SLC24A3: variants seen among roughly 807,000 people sequenced by gnomAD.
The protein encoded by SLC24A3 is sodium/potassium/calcium exchanger 3.
A neutral mutation model predicts 75.8 loss-of-function variants in SLC24A3; 28 were observed. The ratio of observed to expected loss-of-function variants is 0.37; its 90% CI spans 0.27 to 0.51. The LOEUF is 0.51. SLC24A3 is among the 20% of genes least tolerant of loss of function. The pLI, the probability that SLC24A3 is intolerant of heterozygous loss-of-function variation, is 0.94. For missense variants in SLC24A3, 663 were observed against 847.8 expected, an observed-to-expected ratio of 0.78 and a Z score of 2.71; for synonymous variants, 372 against 334.1, an observed-to-expected ratio of 1.11 and a Z score of -1.24.
intron 2 of SLC24A3, among the ~76,000 whole-genome samples, chr20:19,289,439 C>CA (rs776626920): frequency 1.5e-4 from 23 of 152,216 alleles, no homozygotes; most frequent in Non-Finnish European, 3.4e-4. Flanking sequence ...CACCTGTACT[C>CA]ATGGCTTGCT....
chr20:19,603,363 C>T (rs1047142494), intron 6 of SLC24A3, among the ~76,000 whole-genome samples: 11 of 152,126 alleles, frequency 7.2e-5, no homozygotes, highest in African/African-American at 2.7e-4. Context: ...ACTTTGTGTA[C>T]CCTAATTTCT....
intron 2 of SLC24A3, among the ~76,000 whole-genome samples, chr20:19,409,598 A>G (rs1313115980): frequency 6.6e-6 from 1 of 152,172 alleles, no homozygotes; most frequent in East Asian, 1.9e-4. Flanking sequence ...TATGATTGTA[A>G]CAAGCAAGGA....
intron 15 of SLC24A3, among the ~76,000 whole-genome samples, chr20:19,703,861 C>T (rs1389916168): frequency 6.6e-6 from 1 of 152,204 alleles, no homozygotes; most frequent in Admixed American, 6.5e-5. Flanking sequence ...GACTACCTCA[C>T]AGAGGGGGTT....
intron 6 of SLC24A3, among the ~76,000 whole-genome samples, chr20:19,620,632 C>T (rs2031791428): frequency 6.6e-6 from 1 of 152,164 alleles, no homozygotes; most frequent in African/African-American, 2.4e-5. Context: ...AGATAAGGCC[C>T]CACCTGCTGG....
At chr20:19,626,727 A>C (rs769104095) in intron 6 of SLC24A3, among the ~76,000 whole-genome samples, 1 of 152,220 alleles carries the variant, frequency 6.6e-6, no homozygotes, top group Non-Finnish European at 1.5e-5. Context: ...CTTATCACCA[A>C]GTACCAGGAG....
At chr20:19,489,610 G>A (rs1988176993) in intron 2 of SLC24A3, among the ~76,000 whole-genome samples, 1 of 152,092 alleles carries the variant, frequency 6.6e-6, no homozygotes, top group East Asian at 1.9e-4. Flanking sequence ...AAGGGCCTTT[G>A]GGACATTCCA....
At chr20:19,382,586 C>T (rs542502049) in intron 2 of SLC24A3, among the ~76,000 whole-genome samples, 38 of 152,232 alleles carry the variant, frequency 2.5e-4, no homozygotes, top group Middle Eastern at 3.4e-3. Flanking sequence ...CTGGGTGTAA[C>T]GAGCATCTGT....
At chr20:19,320,202 C>A (rs6112314) in intron 2 of SLC24A3, among the ~76,000 whole-genome samples, 78,988 of 152,016 alleles carry the variant, frequency 0.52, 22,914 homozygotes, top group African/African-American at 0.78. Context: ...TGTCGGGCGC[C>A]GACGGTCCAG....
chr20:19,592,797 C>CTT (rs11480179), intron 6 of SLC24A3, among the ~76,000 whole-genome samples: 47 of 126,696 alleles, frequency 3.7e-4, no homozygotes, highest in South Asian at 1.3e-3. Context: ...TTCTTTCTTT[C>CTT]TTTTTTTTTT....
intron 10 of SLC24A3, 70 bp downstream of exon 10, chr20:19,682,061 T>C (rs2032621706): frequency 6.6e-7 from 1 of 1,507,298 alleles, no homozygotes. Flanking sequence ...AAGACCAGCC[T>C]GGCCAACATG....
chr20:19,224,398 G>T (rs1981820322), intron 1 of SLC24A3, among the ~76,000 whole-genome samples: 1 of 152,122 alleles, frequency 6.6e-6, no homozygotes, highest in African/African-American at 2.4e-5. Flanking sequence ...AGGATTTCTT[G>T]CAATTTGGGG....
At chr20:19,614,856 G>T (rs982552332) in intron 6 of SLC24A3, among the ~76,000 whole-genome samples, 2 of 152,200 alleles carry the variant, frequency 1.3e-5, no homozygotes, top group African/African-American at 4.8e-5. Context: ...GAAGGAAGAT[G>T]AATGATCCAC....
At chr20:19,634,122 G>A (rs1360001140) in intron 6 of SLC24A3, among the ~76,000 whole-genome samples, 1 of 152,148 alleles carries the variant, frequency 6.6e-6, no homozygotes, top group East Asian at 1.9e-4. Flanking sequence ...GACATCGCCA[G>A]TCAAAGGGGA....
intron 9 of SLC24A3, among the ~76,000 whole-genome samples, chr20:19,678,792 G>A (rs1174319953): frequency 1.3e-5 from 2 of 150,504 alleles, no homozygotes; most frequent in South Asian, 2.1e-4. Context: ...CAGACGGGGC[G>A]GTTGCCGGGC....
At chr20:19,312,291 C>T (rs942375661) in intron 2 of SLC24A3, among the ~76,000 whole-genome samples, 9 of 151,928 alleles carry the variant, frequency 5.9e-5, no homozygotes, top group African/African-American at 2.2e-4. Flanking sequence ...GGTGGGTAGC[C>T]CAAGGCGCAG....
chr20:19,659,372 G>T (rs113495208), intron 7 of SLC24A3, among the ~76,000 whole-genome samples: 2,444 of 152,322 alleles, frequency 0.016, 37 homozygotes, highest in African/African-American at 0.035. Context: ...TGCCACAGGT[G>T]CCCAGCACTT....
intron 2 of SLC24A3, among the ~76,000 whole-genome samples, chr20:19,322,823 T>C (rs138580363): frequency 0.012 from 1,753 of 152,262 alleles, 18 homozygotes; most frequent in South Asian, 0.017. Context: ...GGATGAACTC[T>C]TCTTATCAGC....
At chr20:19,329,828 C>G (rs1401419235) in intron 2 of SLC24A3, among the ~76,000 whole-genome samples, 1 of 152,156 alleles carries the variant, frequency 6.6e-6, no homozygotes, top group Non-Finnish European at 1.5e-5. Flanking sequence ...ACTTAATACA[C>G]AGTGAGTGCT....
intron 1 of SLC24A3, among the ~76,000 whole-genome samples, chr20:19,278,342 G>A (rs74808059): frequency 0.022 from 3,412 of 152,252 alleles, 145 homozygotes; most frequent in African/African-American, 0.077. Context: ...CCTACTATTA[G>A]CATTTCCTGT....
Sources: gnomAD v4.1 joint callset for allele counts (sites outside exome capture counted in the v4.1 genomes callset) on GRCh38, gnomAD v4.1.1 for gene constraint, MANE v1.5 for transcripts, NCBI Gene and HGNC (gene_info 2026-07-23, HGNC 2026-07-21) for gene names.